PAK5: variants seen among roughly 807,000 people sequenced by gnomAD.
The protein encoded by PAK5 is serine/threonine-protein kinase PAK 5.
Under a neutral mutation model 65.9 loss-of-function variants are expected in PAK5, and 16 were observed. The observed-to-expected ratio is 0.24, with a 90% CI of 0.16 to 0.37. The LOEUF is 0.37. Ranked by LOEUF, PAK5 falls within the 10% of genes least tolerant of loss-of-function variation. The pLI is 1.00. For missense variants in PAK5, 785 were observed against 903.9 expected (o/e 0.87, Z 1.69); for synonymous variants, 371 against 354.9 (o/e 1.05, Z -0.51).
chr20:9,625,080 T>A lies in PAK5; in HGVS notation c.204+19045A>T, dbSNP rs149682743. Among the ~76,000 whole-genome samples, 1,015 of 152,056 alleles carry A rather than the reference T, an allele frequency of 6.7e-3. 13 individuals are homozygous for A. Among genetic ancestry groups the A allele is most frequent in the African/African-American group, 0.024 (986 of 41,452 alleles). On this transcript the variant is annotated intron_variant, in intron 3 of 9. Coordinates refer to ENST00000353224, the MANE Select transcript of PAK5 (RefSeq NM_177990.4). ...CACTACCACCACTGCCACCACCACATCCACCAGCCATCTCCACTGGCATCA... is the reference window on the plus strand; with the variant it reads ...CACTACCACCACTGCCACCACCACAACCACCAGCCATCTCCACTGGCATCA...
intron 1 of PAK5, among the ~76,000 whole-genome samples, chr20:9,767,258 A>T (rs546902251): frequency 1.3e-5 from 2 of 152,332 alleles, no homozygotes; most frequent in South Asian, 4.1e-4. Flanking sequence ...ATGAGATCAT[A>T]AAGGAGAATA....
At chr20:9,620,586 T>C (rs2046750473) in intron 3 of PAK5, among the ~76,000 whole-genome samples, 1 of 152,194 alleles carries the variant, frequency 6.6e-6, no homozygotes, top group South Asian at 2.1e-4. Flanking sequence ...TAGCTGCTCA[T>C]GGGTGGACAG....
chr20:9,638,006 C>G (rs1176202686), intron 3 of PAK5, among the ~76,000 whole-genome samples: 1 of 152,118 alleles, frequency 6.6e-6, no homozygotes, highest in Non-Finnish European at 1.5e-5. Context: ...TATCCATCAG[C>G]AGCATCTGAG....
At chr20:9,787,878 T>C (rs1470599052) in intron 1 of PAK5, among the ~76,000 whole-genome samples, 8 of 152,112 alleles carry the variant, frequency 5.3e-5, no homozygotes, top group Non-Finnish European at 1.5e-5. Context: ...TTTGAGTGTT[T>C]ATTTCTTTGT....
rs571129849 is a variant in PAK5 at position 9,641,812 on chromosome 20, C to T, written c.204+2313G>A. Among the ~76,000 whole-genome samples the T allele has an allele frequency of 2.2e-4, 33 of 152,288 alleles. No homozygotes were observed. In the East Asian group the frequency reaches 6.0e-3, roughly 28 times the overall value. On this transcript the variant is annotated intron_variant, in intron 3 of 9. Transcript: ENST00000353224. ...GCACTGCTGGGGGACTCAGTACACC[C>T]TCCGCAGCCACTGGCCCAGGTGCTA...
At chr20:9,785,200 A>G (rs2048980300) in intron 1 of PAK5, among the ~76,000 whole-genome samples, 1 of 152,200 alleles carries the variant, frequency 6.6e-6, no homozygotes. Context: ...GTAAGGATGT[A>G]GAATATTTAT....
intron 3 of PAK5, among the ~76,000 whole-genome samples, chr20:9,635,058 A>G (rs1194535748): frequency 6.6e-6 from 1 of 152,174 alleles, no homozygotes; most frequent in Non-Finnish European, 1.5e-5. Context: ...AACATAGGTA[A>G]TCTGTCTAAT....
chr20:9,566,872 C>A (rs1039510041), intron 4 of PAK5, among the ~76,000 whole-genome samples: 1 of 151,998 alleles, frequency 6.6e-6, no homozygotes, highest in Non-Finnish European at 1.5e-5. Context: ...AATGTTCTCA[C>A]CAAATAAGTA....
At chr20:9,673,834 T>C (rs1245605922) in intron 2 of PAK5, among the ~76,000 whole-genome samples, 1 of 152,160 alleles carries the variant, frequency 6.6e-6, no homozygotes, top group African/African-American at 2.4e-5. Flanking sequence ...CTAATTGTTG[T>C]AGACAACATA....
intron 3 of PAK5, among the ~76,000 whole-genome samples, chr20:9,608,760 A>C (rs1157627606): frequency 6.6e-6 from 1 of 152,222 alleles, no homozygotes; most frequent in African/African-American, 2.4e-5. Context: ...TATTTGAATC[A>C]TTTAGATTAA....
intron 3 of PAK5, among the ~76,000 whole-genome samples, chr20:9,596,444 G>A (rs1419967658): frequency 6.6e-6 from 1 of 151,946 alleles, no homozygotes; most frequent in East Asian, 1.9e-4. Flanking sequence ...AGACCATCCT[G>A]GCTAACACAG....
intron 2 of PAK5, among the ~76,000 whole-genome samples, chr20:9,663,088 G>C (rs1477307421): frequency 6.6e-6 from 1 of 152,180 alleles, no homozygotes; most frequent in Non-Finnish European, 1.5e-5. Flanking sequence ...TTATCACATA[G>C]TTTAGAAGAT....
At chr20:9,680,537 A>G (rs534846352) in intron 2 of PAK5, among the ~76,000 whole-genome samples, 2 of 152,276 alleles carry the variant, frequency 1.3e-5, no homozygotes, top group African/African-American at 4.8e-5. Context: ...AAGGGCAAGG[A>G]AGTGGGACAT....
At chr20:9,724,234 A>G (rs1338993917) in intron 1 of PAK5, among the ~76,000 whole-genome samples, 1 of 152,212 alleles carries the variant, frequency 6.6e-6, no homozygotes, top group Non-Finnish European at 1.5e-5. Flanking sequence ...TGTTTTTAGT[A>G]CCAAAGTATG....
chr20:9,745,390 T>G (rs2048495070), intron 1 of PAK5, among the ~76,000 whole-genome samples: 1 of 151,826 alleles, frequency 6.6e-6, no homozygotes, highest in Non-Finnish European at 1.5e-5. Flanking sequence ...AACAAGCTTG[T>G]AGAACTGTGA....
intron 1 of PAK5, among the ~76,000 whole-genome samples, chr20:9,776,138 T>C (rs1600360567): frequency 6.6e-6 from 1 of 152,286 alleles, no homozygotes; most frequent in South Asian, 2.1e-4. Flanking sequence ...TTAATCCTCA[T>C]AGCATTCTTG....
chr20:9,679,837 T>C (rs1187508996), intron 2 of PAK5, among the ~76,000 whole-genome samples: 1 of 152,188 alleles, frequency 6.6e-6, no homozygotes, highest in Non-Finnish European at 1.5e-5. Context: ...CCAGGCAAAA[T>C]TGTGATGGAC....
chr20:9,553,247 ACTAGTCAG>A (rs2122934913), intron 7 of PAK5, among the ~76,000 whole-genome samples: 1 of 152,296 alleles, frequency 6.6e-6, no homozygotes, highest in African/African-American at 2.4e-5. Context: ...TGTGTTGCCA[ACTAGTCAG>A]CTAACCAAGG....
chr20:9,781,499 A>G (rs750881837), intron 1 of PAK5, among the ~76,000 whole-genome samples: 4 of 152,154 alleles, frequency 2.6e-5, no homozygotes, highest in Non-Finnish European at 5.9e-5. Context: ...TATTAAGACC[A>G]GACATCTTTT....
Sources: gnomAD v4.1 joint callset for allele counts (sites outside exome capture counted in the v4.1 genomes callset) on GRCh38, gnomAD v4.1.1 for gene constraint, MANE v1.5 for transcripts, NCBI Gene and HGNC (gene_info 2026-07-23, HGNC 2026-07-21) for gene names.